The following SIGLEC8 variants were observed in gnomAD, a reference collection of about 807,000 sequenced individuals.
SIGLEC8 encodes sialic acid binding Ig like lectin 8.
SIGLEC8 carries 32 observed loss-of-function variants against 42.1 expected under a neutral mutation model. The ratio of observed to expected loss-of-function variants is 0.76; its 90% CI spans 0.57 to 1.02. SIGLEC8 has a LOEUF of 1.02. Among genes scored for constraint, SIGLEC8 ranks in the 50% least tolerant of loss-of-function variants. SIGLEC8 has a pLI of 0.00. For synonymous variants in SIGLEC8, 262 were observed against 260.3 expected, an observed-to-expected ratio of 1.01 and a Z score of -0.06; for missense variants, 611 against 610.2, an observed-to-expected ratio of 1.00 and a Z score of -0.01.
At chr19:51,453,357 C>A in intron 6 of SIGLEC8, 1 of 984,104 alleles carries the variant, frequency 1.0e-6, no homozygotes. Flanking sequence ...CCCAAAGTGG[C>A]AGCTCAGTCT....
At position 51,455,484 on chromosome 19, in the gene SIGLEC8, G is replaced by T; in HGVS notation, c.985C>A (p.Arg329=). 2 of 1,614,146 alleles carry T rather than the reference G, an allele frequency of 1.2e-6. No individual in the cohort carries two copies. Among genetic ancestry groups the T allele is most frequent in the Non-Finnish European group, 1.7e-6 (2 of 1,179,988 alleles). The change falls in exon 4 of 7, where the codon CGA becomes AGA. Residue 329 remains arginine (R), a synonymous_variant. Transcript: ENST00000321424. ...TGGGAGCCCTGAGCGTTCTGAGCTC[G>T]GCAGGTGAATTCCCCTTCATCCCTC... ...HVRDEGEFTC[R]AQNAQGSQHI...
rs770458068 is a variant in SIGLEC8, at chr19:51,457,174, T to C, written c.781+10A>G. On this transcript the variant is annotated intron_variant, in intron 3 of 6. Coordinates refer to ENST00000321424, the MANE Select transcript of SIGLEC8 (RefSeq NM_014442.3). ...GCTCCCCCAACCCCAGGGAGGGGGCTCTGTCCTACCTGTGGCATCTCCTTG... is the reference window on the plus strand; with the variant it reads ...GCTCCCCCAACCCCAGGGAGGGGGCCCTGTCCTACCTGTGGCATCTCCTTG... 1 of 1,612,960 alleles carries C rather than the reference T, an allele frequency of 6.2e-7. No homozygotes were observed. Among genetic ancestry groups the C allele is most frequent in the East Asian group, 2.2e-5 (1 of 44,858 alleles).
chr19:51,455,598 C>T lies in SIGLEC8; in HGVS notation c.871G>A (p.Ala291Thr). The T allele has an allele frequency of 6.2e-7, 1 of 1,614,122 alleles. No homozygotes were observed. Among genetic ancestry groups the T allele is most frequent in the Non-Finnish European group, 8.5e-7 (1 of 1,180,014 alleles). Residue 291 changes from alanine (A) to threonine (T), a missense_variant, in exon 4 of 7, where the codon GCC becomes ACC. By Grantham distance (58) the Ala-to-Thr change is moderately conservative. Transcript: ENST00000321424. Reference protein sequence around the residue: ...LVCAVNSNPPARLSWTRGSLT... With the variant: ...LVCAVNSNPPTRLSWTRGSLT... ...CTCCCCCGGGTCCAGCTCAGCCTGGCAGGGGGATTGCTGTTGACAGCACAG... is the reference window on the plus strand; with the variant it reads ...CTCCCCCGGGTCCAGCTCAGCCTGGTAGGGGGATTGCTGTTGACAGCACAG...
Position 51,457,563 on chromosome 19 carries a change from G to C in SIGLEC8, c.631C>G (p.Leu211Val), listed in dbSNP as rs370636312. 46 of 1,613,854 alleles carry C rather than the reference G, an allele frequency of 2.9e-5. No individual in the cohort carries two copies. Among genetic ancestry groups the C allele is most frequent in the Non-Finnish European group, 3.6e-5 (42 of 1,179,972 alleles). ...PTTARSSVLT[L>V]TPKPQDHGTS... ...CCGTGGTCCTGGGGCTTTGGGGTAA[G>C]GGTGAGCACTGAGGAGCGGGCAGTA... Residue 211 changes from leucine (L) to valine (V), a missense_variant, in exon 2 of 7, where the codon CTT (leucine) becomes GTT (valine). Physicochemically the swap from Leu to Val is conservative, Grantham distance 32. Coordinates refer to ENST00000321424, the MANE Select transcript of SIGLEC8 (RefSeq NM_014442.3).
intron 6 of SIGLEC8, chr19:51,453,697 G>A (rs1472157707): frequency 1.0e-6 from 1 of 960,478 alleles, no homozygotes; most frequent in East Asian, 1.2e-4. Flanking sequence ...TCTGCCTCGA[G>A]AAAAAAATAA....
In SIGLEC8 at chr19:51,452,394, T is replaced by A; in HGVS notation, c.1485A>T (p.Lys495Asn). 2 of 1,601,060 alleles carry A rather than the reference T, an allele frequency of 1.2e-6. No individual in the cohort carries two copies. The highest frequency in any genetic ancestry group is 2.2e-5 in the South Asian group (2 of 90,702). ...ACLRNHNPSS[K>N]EVRG ...TCTATGAGAATCAGCCTCTGACTTC[T>A]TTGCTGGAGGGGTTGTGATTCCTCA... The change falls in exon 7 of 7, where the codon AAA becomes AAT. Residue 495 changes from lysine (K) to asparagine (N), a missense_variant. Coordinates refer to ENST00000321424, the MANE Select transcript of SIGLEC8 (RefSeq NM_014442.3).
At position 51,457,227 on chromosome 19, in the gene SIGLEC8, A is replaced by G; in HGVS notation, c.738T>C (p.Pro246=). The part of the protein sequence containing the change: ...TSTVRLDVSY[P]PWNLTMTVFQ... Reference sequence around the variant, plus strand: ...AGACAGTCATGGTCAAGTTCCAAGGAGGGTCTGGGACAGAAAGACATGAAG... The same window carrying G: ...AGACAGTCATGGTCAAGTTCCAAGGGGGGTCTGGGACAGAAAGACATGAAG... The change falls in exon 3 of 7, where the codon CCT becomes CCC. Residue 246 remains proline (P), a synonymous_variant. Transcript: ENST00000321424. 6.2e-7 allele frequency: 1 copy of G among 1,613,616 alleles called. No homozygotes were observed. The highest frequency in any genetic ancestry group is 8.5e-7 in the Non-Finnish European group (1 of 1,179,668).
rs1436601241 is a variant in SIGLEC8, at chr19:51,455,467, C to T, written c.1002G>A (p.Gln334=). 3 of 1,614,024 alleles carry T rather than the reference C, an allele frequency of 1.9e-6. No individual in the cohort carries two copies. The highest frequency in any genetic ancestry group is 1.7e-5 in the Admixed American group (1 of 59,996). ...GGCTCAGGGAAATGTGCTGGGAGCCCTGAGCGTTCTGAGCTCGGCAGGTGA... is the reference window on the plus strand; with the variant it reads ...GGCTCAGGGAAATGTGCTGGGAGCCTTGAGCGTTCTGAGCTCGGCAGGTGA... ...GEFTCRAQNA[Q]GSQHISLSLS... The change falls in exon 4 of 7, where the codon CAG becomes CAA. Residue 334 remains glutamine (Q), a synonymous_variant. Transcript: ENST00000321424.
Position 51,452,517 on chromosome 19 carries a change from T to C in SIGLEC8, c.1362A>G (p.Lys454=). ...ELHYATLSFH[K]VKPQDPQGQE... ...GTCCCTGCGGGTCCTGAGGCTTCAC[T>C]TTATGGAAGCTGAGGGTTGCATAAT... Residue 454 remains lysine (K), a synonymous_variant, in exon 7 of 7, where the codon AAA becomes AAG. Coordinates refer to ENST00000321424, the MANE Select transcript of SIGLEC8 (RefSeq NM_014442.3). 6.2e-7 allele frequency: 1 copy of C among 1,604,848 alleles called. No homozygotes were observed. Among genetic ancestry groups the C allele is most frequent in the Non-Finnish European group, 8.5e-7 (1 of 1,172,354 alleles).
intron 6 of SIGLEC8, chr19:51,453,705 T>C: frequency 1.0e-6 from 1 of 967,896 alleles, no homozygotes; most frequent in Non-Finnish European, 1.2e-6. Flanking sequence ...GAGAAAAAAA[T>C]AAAAATAAGA....
chr19:51,452,081 G>T lies in SIGLEC8; in HGVS notation c.*298C>A, dbSNP rs978570792. 4.0e-6 allele frequency: 1 copy of T among 250,122 alleles called. No homozygotes were observed. Among genetic ancestry groups the T allele is most frequent in the Non-Finnish European group, 7.6e-6 (1 of 132,450 alleles). 15.5% of individuals were successfully genotyped at this position (250,122 alleles called of 1,614,324 possible). A position where few individuals can be genotyped will look rare whatever the true frequency, so the allele number is the denominator to read the frequency against. ...TCTCAAAGAAAAAAAAATATTCAGTGCTTGATTCTGTCATTTGAGAGAACA... is the reference window on the plus strand; with the variant it reads ...TCTCAAAGAAAAAAAAATATTCAGTTCTTGATTCTGTCATTTGAGAGAACA... On this transcript the variant is annotated 3_prime_UTR_variant, in exon 7 of 7. Transcript: ENST00000321424.
At chr19:51,455,321 G>C (rs1989462739) in intron 4 of SIGLEC8, 97 bp downstream of exon 4, 9 of 1,481,306 alleles carry the variant, frequency 6.1e-6, no homozygotes, top group South Asian at 1.3e-5. Flanking sequence ...GCTGAGCACA[G>C]ACCAGAGCTG....
In SIGLEC8 at chr19:51,457,942, A is replaced by G. The variant is rs775148924; in HGVS notation, c.446T>C (p.Phe149Ser). 3 of 1,614,080 alleles carry G rather than the reference A, an allele frequency of 1.9e-6. No homozygotes were observed. The South Asian group carries it at 3.3e-5, about 18-fold the overall frequency. Residue 149 changes from phenylalanine to serine, a missense_variant, in exon 1 of 7, where the codon TTT (phenylalanine) becomes TCT (serine). Physicochemically the swap from Phe to Ser is radical, Grantham distance 155. Coordinates refer to ENST00000321424, the MANE Select transcript of SIGLEC8 (RefSeq NM_014442.3). Reference protein sequence around the residue: ...LNYKTKQLSVFVTALTHRPDI... With the variant: ...LNYKTKQLSVSVTALTHRPDI... Reference sequence around the variant, plus strand: ...TGGAGCCCGTGCCTTACCTGTCACAAACACAGACAGCTGCTTAGTTTTGTA... The same window carrying G: ...TGGAGCCCGTGCCTTACCTGTCACAGACACAGACAGCTGCTTAGTTTTGTA...
In SIGLEC8 at chr19:51,455,533, C is replaced by A. The variant is rs1280199500; in HGVS notation, c.936G>T (p.Leu312=). 1.2e-6 allele frequency: 2 copies of A among 1,613,990 alleles called. No homozygotes were observed. The highest frequency in any genetic ancestry group is 1.7e-6 in the Non-Finnish European group (2 of 1,180,010). ...LCPSRSSNPG[L]LELPRVHVRD... is the part of the protein sequence containing the mutation. ...TCACGTGCACTCGAGGCAGCTCCAGCAGCCCAGGGTTTGAGGACCGTGAGG... is the reference window on the plus strand; with the variant it reads ...TCACGTGCACTCGAGGCAGCTCCAGAAGCCCAGGGTTTGAGGACCGTGAGG... The change falls in exon 4 of 7, where the codon CTG becomes CTT. Residue 312 remains leucine (L), a synonymous_variant. Coordinates refer to ENST00000321424, the MANE Select transcript of SIGLEC8 (RefSeq NM_014442.3).
chr19:51,457,152 C>T (rs755147683), intron 3 of SIGLEC8, 32 bp downstream of exon 3: 10 of 1,603,810 alleles, frequency 6.2e-6, no homozygotes, highest in South Asian at 2.2e-5. Context: ...AGGCCCTGCT[C>T]CCCCAACCCC....
rs1270170412 is a variant in SIGLEC8 at position 51,454,549 on chromosome 19, C to T, written c.1148+135G>A. On this transcript the variant is annotated intron_variant, in intron 5 of 6. Coordinates refer to ENST00000321424, the MANE Select transcript of SIGLEC8 (RefSeq NM_014442.3). This position sits in a 1 kb window ranked among gnomAD's most constrained non-coding sequence, Gnocchi z 4.7. ...CAGACAAGGACGCTCGTGAAATGCT[C>T]ACCGTGCACCCGTGAGCTCATTCTT... 2.2e-5 allele frequency: 22 copies of T among 1,011,282 alleles called. No individual in the cohort carries two copies. The highest frequency in any genetic ancestry group is 3.0e-5 in the Non-Finnish European group (20 of 671,974). The allele number at this position is 1,011,282 out of a possible 1,614,324, so 62.6% of individuals were successfully genotyped here. A position where few individuals can be genotyped will look rare whatever the true frequency, so the allele number is the denominator to read the frequency against.
Position 51,454,203 on chromosome 19 carries a change from A to G in SIGLEC8, c.1245+16T>C. 5 of 1,613,928 alleles carry G rather than the reference A, an allele frequency of 3.1e-6. No individual in the cohort carries two copies. Among genetic ancestry groups the G allele is most frequent in the Non-Finnish European group, 4.2e-6 (5 of 1,179,892 alleles). ...CCAGGCTGGATGCTCGGTGTGGAGA[A>G]GCCCACATCACTCACCTGAGAGGCC... is the stretch of plus-strand genomic sequence containing the variant. On this transcript the variant is annotated intron_variant, in intron 6 of 6. Transcript: ENST00000321424. The surrounding 1 kb of genome is among the most constrained non-coding windows in gnomAD (Gnocchi z 4.7).
intron 4 of SIGLEC8, 140 bp downstream of exon 4, chr19:51,455,278 G>A (rs1183633690): frequency 8.9e-7 from 1 of 1,121,644 alleles, no homozygotes; most frequent in Admixed American, 2.9e-5. Flanking sequence ...GGACAGTGAT[G>A]CTCTGGGTCG....
Position 51,454,098 on chromosome 19 carries a change from G to A in SIGLEC8, c.1245+121C>T. On this transcript the variant is annotated intron_variant, in intron 6 of 6. Transcript: ENST00000321424. The surrounding 1 kb of genome is among the most constrained non-coding windows in gnomAD (Gnocchi z 4.7). ...GGGGGAGTCCTGTAGAAGCCGGCCT[G>A]TGGGAAGGAGGAGGAGACGAGGAAG... 9.9e-6 allele frequency: 15 copies of A among 1,510,010 alleles called. No homozygotes were observed. Among genetic ancestry groups the A allele is most frequent in the Admixed American group, 2.2e-5 (1 of 44,592 alleles). 93.5% of individuals were successfully genotyped at this position (1,510,010 alleles called of 1,614,324 possible).
Sources: allele counts gnomAD v4.1 joint callset, GRCh38; gene constraint gnomAD v4.1.1; non-coding constraint Gnocchi (gnomAD v3.1); transcripts MANE v1.5; gene names NCBI Gene and HGNC (gene_info 2026-07-23, HGNC 2026-07-21).